The following FXYD3 variants were observed in gnomAD, a reference collection of about 807,000 sequenced individuals.
FXYD3 encodes the protein FXYD domain containing ion transport regulator 3, also known as FXYD domain-containing ion transport regulator 3.
FXYD3 carries 13 observed loss-of-function variants against 19.2 expected under a neutral mutation model. The observed-to-expected ratio is 0.68, with a 90% CI of 0.44 to 1.08. The LOEUF is 1.08. Ranked by LOEUF, FXYD3 falls within the 50% of genes least tolerant of loss-of-function variation. The pLI is 0.00. For missense variants in FXYD3, 101 were observed against 109.4 expected (o/e 0.92, Z 0.34); for synonymous variants, 48 against 38.9 (o/e 1.23, Z -0.87).
In FXYD3 at chr19:35,121,495, G is replaced by A. The variant is rs1408440933; in HGVS notation, c.97+250G>A. 30 of 1,436,780 alleles carry A rather than the reference G, an allele frequency of 2.1e-5. No individual in the cohort carries two copies. The South Asian group carries it at 4.2e-4, about 20-fold the overall frequency. 89.0% of individuals were successfully genotyped at this position (1,436,780 alleles called of 1,614,324 possible). ...GAGGACAGTTTGCAAGAAGCCATTG[G>A]TTGGTTCAGATCAACTGCTGGGAGA... On this transcript the variant is annotated intron_variant, in intron 5 of 8. Coordinates refer to ENST00000604404, the MANE Select transcript of FXYD3 (RefSeq NM_005971.4).
At chr19:35,120,990 A>G in intron 3 of FXYD3, 88 bp from the exon 4 acceptor site, 2 of 1,443,702 alleles carry the variant, frequency 1.4e-6, no homozygotes, top group South Asian at 2.4e-5. Flanking sequence ...ACCCTTTCCC[A>G]AGGCCCCTGA....
rs948630490 is a variant in FXYD3 at position 35,120,387 on chromosome 19, G to C, written c.41-691G>C. ...ACTCCTGACCTCAAGTGATCCTCCTGCCTCGGCCTTCCAAAGTTTTGGGAT... is the reference window on the plus strand; with the variant it reads ...ACTCCTGACCTCAAGTGATCCTCCTCCCTCGGCCTTCCAAAGTTTTGGGAT... On this transcript the variant is annotated intron_variant, in intron 3 of 8. Transcript: ENST00000604404. Among the ~76,000 whole-genome samples, 11 of 152,076 alleles carry C rather than the reference G, an allele frequency of 7.2e-5. 1 individual carries two copies. The highest frequency in any genetic ancestry group is 3.9e-4 in the Admixed American group (6 of 15,270).
chr19:35,123,234 G>C, intron 7 of FXYD3, 37 bp from the exon 8 acceptor site: 3 of 1,556,128 alleles, frequency 1.9e-6, no homozygotes, highest in Non-Finnish European at 1.7e-6. Context: ...AGGGCAAATG[G>C]GGGCGGACAC....
intron 2 of FXYD3, among the ~76,000 whole-genome samples, chr19:35,117,577 C>T (rs553308761): frequency 6.6e-6 from 1 of 151,952 alleles, no homozygotes; most frequent in East Asian, 1.9e-4. Flanking sequence ...TACCAGGACT[C>T]GTATGGTCAT....
In FXYD3 at chr19:35,115,869, A is replaced by G. The variant is rs550145481; in HGVS notation, c.-201A>G. The G allele has an allele frequency of 6.6e-6, 1 of 152,386 alleles. No homozygotes were observed. Among genetic ancestry groups the G allele is most frequent in the Non-Finnish European group, 1.5e-5 (1 of 68,050 alleles). The allele number at this position is 152,386 out of a possible 1,614,324, so 9.4% of individuals were successfully genotyped here. On this transcript the variant is annotated 5_prime_UTR_variant, in exon 1 of 9. Transcript: ENST00000604404. ...TGATCCTGAAATTGTACCAGCGGCA[A>G]GATGTGGCCTGGAAGGGGACTTTAA...
intron 2 of FXYD3, among the ~76,000 whole-genome samples, chr19:35,118,928 C>T (rs2064967444): frequency 6.6e-6 from 1 of 152,218 alleles, no homozygotes; most frequent in Non-Finnish European, 1.5e-5. Flanking sequence ...CAATGCCCCG[C>T]TTCCCCAAAC....
intron 2 of FXYD3, chr19:35,116,960 C>G (rs1032213312): frequency 2.0e-6 from 2 of 985,078 alleles, no homozygotes; most frequent in African/African-American, 1.7e-5. Flanking sequence ...TTCTACCCAC[C>G]CCTGAACATG....
In FXYD3 at chr19:35,123,981, A is replaced by C. The variant is rs2065105756; in HGVS notation, c.*524A>C. 1 of 168,244 alleles carries C rather than the reference A, an allele frequency of 5.9e-6. No individual in the cohort carries two copies. The highest frequency in any genetic ancestry group is 5.5e-5 in the Admixed American group (1 of 18,024). 10.4% of individuals were successfully genotyped at this position (168,244 alleles called of 1,614,324 possible). ...ACATAGGATCGTCCCGCTATGATGG[A>C]AGTGTTCAGACAGTTTATAATAGTA... On this transcript the variant is annotated 3_prime_UTR_variant, in exon 9 of 9. Coordinates refer to ENST00000604404, the MANE Select transcript of FXYD3 (RefSeq NM_005971.4).
rs116356444 is a variant in FXYD3, at chr19:35,123,974, A to G, written c.*517A>G. 7.5e-4 allele frequency: 127 copies of G among 169,428 alleles called. No homozygotes were observed. The highest frequency in any genetic ancestry group is 2.9e-3 in the African/African-American group (123 of 42,036). 10.5% of individuals were successfully genotyped at this position (169,428 alleles called of 1,614,324 possible). ...AACTGGGACATAGGATCGTCCCGCT[A>G]TGATGGAAGTGTTCAGACAGTTTAT... On this transcript the variant is annotated 3_prime_UTR_variant, in exon 9 of 9. Coordinates refer to ENST00000604404, the MANE Select transcript of FXYD3 (RefSeq NM_005971.4).
At chr19:35,119,507 C>A (rs903043794) in intron 3 of FXYD3, 91 bp downstream of exon 3, 61 of 1,194,084 alleles carry the variant, frequency 5.1e-5, no homozygotes, top group Admixed American at 2.1e-4. Flanking sequence ...TTCTACCTCC[C>A]CGGGAAGGTG....
At chr19:35,119,050 T>C in intron 2 of FXYD3, 1 of 725,322 alleles carries the variant, frequency 1.4e-6, no homozygotes. Flanking sequence ...AGCCTCAGTC[T>C]CCCCATCTGT....
chr19:35,119,802 CTA>C, intron 3 of FXYD3: 8 of 212,032 alleles, frequency 3.8e-5, no homozygotes, highest in Non-Finnish European at 5.6e-5. Flanking sequence ...TCCTACACAG[CTA>C]GAATGCCAGG....
chr19:35,121,701 T>C (rs2065047961), intron 5 of FXYD3: 1 of 256,586 alleles, frequency 3.9e-6, no homozygotes, highest in Non-Finnish European at 6.8e-6. Flanking sequence ...CTCAGACCTC[T>C]GCACCTGCTG....
At chr19:35,119,442 T>TCCCC in intron 3 of FXYD3, 26 bp downstream of exon 3, 1 of 1,608,876 alleles carries the variant, frequency 6.2e-7, no homozygotes, top group Non-Finnish European at 8.5e-7. Flanking sequence ...CCGTCTGCCT[T>TCCCC]TTCCTCTGGA....
At chr19:35,121,662 C>G in intron 5 of FXYD3, 1 of 545,194 alleles carries the variant, frequency 1.8e-6, no homozygotes, top group Non-Finnish European at 2.6e-6. Flanking sequence ...TGCTCCAAGC[C>G]TCTCAGACAC....
chr19:35,116,823 C>A lies in FXYD3; in HGVS notation c.-15+464C>A, dbSNP rs537541784. 241 of 985,116 alleles carry A rather than the reference C, an allele frequency of 2.4e-4. No homozygotes were observed. In the African/African-American group the frequency reaches 3.9e-3, roughly 16 times the overall value. 61.0% of individuals were successfully genotyped at this position (985,116 alleles called of 1,614,324 possible). ...GTGGATAAGGAGTGCTGGGTGGACT[C>A]GGGGTGTCCAGACATTGAGGGATCT... On this transcript the variant is annotated intron_variant, in intron 2 of 8. Coordinates refer to ENST00000604404, the MANE Select transcript of FXYD3 (RefSeq NM_005971.4).
chr19:35,124,165 T>A lies in FXYD3; in HGVS notation c.*708T>A, dbSNP rs2065108160. On this transcript the variant is annotated 3_prime_UTR_variant, in exon 9 of 9. Coordinates refer to ENST00000604404, the MANE Select transcript of FXYD3 (RefSeq NM_005971.4). Reference sequence around the variant, plus strand: ...TGAGAACTTCCAACAAGCCTCAAAGTCCCTTGAGACTCCCCAATACCTAAT... The same window carrying A: ...TGAGAACTTCCAACAAGCCTCAAAGACCCTTGAGACTCCCCAATACCTAAT... 6.5e-6 allele frequency: 1 copy of A among 152,752 alleles called. No individual in the cohort carries two copies. Among genetic ancestry groups the A allele is most frequent in the African/African-American group, 2.4e-5 (1 of 41,384 alleles). The allele number at this position is 152,752 out of a possible 1,614,324, so 9.5% of individuals were successfully genotyped here. A position where few individuals can be genotyped will look rare whatever the true frequency, so the allele number is the denominator to read the frequency against.
intron 5 of FXYD3, 31 bp downstream of exon 5, chr19:35,121,276 A>G (rs1432613727): frequency 6.2e-7 from 1 of 1,614,036 alleles, no homozygotes; most frequent in Admixed American, 1.7e-5. Flanking sequence ...TCCCCTCCCC[A>G]CAACCCCACA....
chr19:35,117,395 A>T (rs1466625565), intron 2 of FXYD3: 2 of 1,466,428 alleles, frequency 1.4e-6, no homozygotes, highest in Non-Finnish European at 1.8e-6. Context: ...CTCAACAGCC[A>T]TGGCGACAGA....
Sources: allele counts gnomAD v4.1 joint callset (sites outside exome capture counted in the v4.1 genomes callset), GRCh38; gene constraint gnomAD v4.1.1; transcripts MANE v1.5; gene names NCBI Gene and HGNC (gene_info 2026-07-23, HGNC 2026-07-21).